Variants in MECOM observed in about 807,000 individuals in gnomAD.
MECOM encodes the protein histone-lysine N-methyltransferase MECOM.
A neutral mutation model predicts 116.3 loss-of-function variants in MECOM; 13 were observed. The observed-to-expected ratio is 0.11, with a 90% CI of 0.07 to 0.18. The LOEUF is 0.18. Among genes scored for constraint, MECOM ranks in the 10% least tolerant of loss-of-function variants. The probability of loss-of-function intolerance (pLI) is 1.00; values close to 1 mark genes in which losing one functional copy is unlikely to be tolerated. For missense variants in MECOM, 1,299 were observed against 1,509.0 expected (o/e 0.86, Z 2.31); for synonymous variants, 528 against 535.2 (o/e 0.99, Z 0.19).
At chr3:169,134,039 T>TA in intron 3 of MECOM, 1 of 939,322 alleles carries the variant, frequency 1.1e-6, no homozygotes, top group Non-Finnish European at 1.5e-6. Context: ...AAAGAGACAA[T>TA]ACCCTACAAG....
chr3:169,497,119 T>C (rs1268762717), intron 1 of MECOM, among the ~76,000 whole-genome samples: 1 of 152,212 alleles, frequency 6.6e-6, no homozygotes, highest in Admixed American at 6.5e-5. Flanking sequence ...ATTTCTTTAA[T>C]GGCAATATTA....
intron 12 of MECOM, among the ~76,000 whole-genome samples, chr3:169,096,427 T>A (rs553003105): frequency 6.6e-6 from 1 of 152,158 alleles, no homozygotes; most frequent in Non-Finnish European, 1.5e-5. Flanking sequence ...CGTGTCACCA[T>A]GCTCGGCTAA....
At chr3:169,263,277 C>A (rs577098137) in intron 2 of MECOM, among the ~76,000 whole-genome samples, 1 of 150,308 alleles carries the variant, frequency 6.7e-6, no homozygotes, top group South Asian at 2.1e-4. Flanking sequence ...TACAGGCGCC[C>A]GCCACCATGC....
At chr3:169,388,059 A>G (rs1056414289) in intron 1 of MECOM, among the ~76,000 whole-genome samples, 1 of 151,922 alleles carries the variant, frequency 6.6e-6, no homozygotes, top group Non-Finnish European at 1.5e-5. Context: ...AGGAAGGATT[A>G]CACGTGGCTG....
At chr3:169,348,967 A>C (rs1725829221) in intron 2 of MECOM, among the ~76,000 whole-genome samples, 2 of 151,876 alleles carry the variant, frequency 1.3e-5, no homozygotes, top group South Asian at 4.1e-4. Context: ...ATTGGTTGTT[A>C]ACCACTTCTC....
At chr3:169,505,248 T>G (rs1371940782) in intron 1 of MECOM, among the ~76,000 whole-genome samples, 1 of 152,038 alleles carries the variant, frequency 6.6e-6, no homozygotes, top group Non-Finnish European at 1.5e-5. Flanking sequence ...CCTGTAATTC[T>G]CAAAGTAGTT....
At chr3:169,131,691 T>C (rs1734774619) in intron 3 of MECOM, 160 bp from the exon 4 acceptor site, 2 of 684,620 alleles carry the variant, frequency 2.9e-6, no homozygotes, top group African/African-American at 1.8e-5. Flanking sequence ...CTGTTTTATA[T>C]ATTGAAAACC....
chr3:169,539,992 C>A (rs751105809), intron 1 of MECOM, among the ~76,000 whole-genome samples: 5 of 152,166 alleles, frequency 3.3e-5, no homozygotes, highest in African/African-American at 4.8e-5. Context: ...TGCTTCATGG[C>A]TGAATCCTCC....
intron 1 of MECOM, among the ~76,000 whole-genome samples, chr3:169,469,107 G>A (rs1261895983): frequency 6.6e-6 from 1 of 150,624 alleles, no homozygotes; most frequent in East Asian, 1.9e-4. Flanking sequence ...ATTCCATAAG[G>A]GGAGGAGCCA....
chr3:169,456,522 T>C (rs1192471896), intron 1 of MECOM, among the ~76,000 whole-genome samples: 1 of 152,190 alleles, frequency 6.6e-6, no homozygotes, highest in Non-Finnish European at 1.5e-5. Context: ...AAGTTACTCT[T>C]GCCATGAGAA....
chr3:169,209,009 T>C (rs770659771), intron 2 of MECOM, among the ~76,000 whole-genome samples: 5 of 150,892 alleles, frequency 3.3e-5, no homozygotes, highest in Non-Finnish European at 7.4e-5. Context: ...TATAGAACAA[T>C]GGAACAGAAC....
chr3:169,154,799 T>C (rs1741704652), intron 2 of MECOM, among the ~76,000 whole-genome samples: 1 of 152,226 alleles, frequency 6.6e-6, no homozygotes, highest in Admixed American at 6.5e-5. Context: ...ATTGCTATCA[T>C]TATTATTGCT....
At chr3:169,108,825 A>T (rs756260359) in intron 9 of MECOM, among the ~76,000 whole-genome samples, 1 of 152,198 alleles carries the variant, frequency 6.6e-6, no homozygotes, top group Non-Finnish European at 1.5e-5. Context: ...CTGTCTCCTC[A>T]GTTCCTTGGA....
In MECOM at chr3:169,273,138, TG is replaced by T. The variant is rs2149661003; in HGVS notation, c.375+108048del. On this transcript the variant is annotated intron_variant, in intron 2 of 16. Coordinates refer to ENST00000651503, the MANE Select transcript of MECOM (RefSeq NM_004991.4). ...ATGCATGAGTTGGTCGTATTTCAGC[TG>T]CCCACATGCCGTTTTATGTGGGCAC... is the stretch of plus-strand genomic sequence containing the variant. 1.3e-5 allele frequency among the ~76,000 whole-genome samples: 2 copies of T among 152,294 alleles called. 1 individual carries two copies. The highest frequency in any genetic ancestry group is 4.1e-4 in the South Asian group (2 of 4,828).
At chr3:169,348,532 G>A (rs568876429) in intron 2 of MECOM, among the ~76,000 whole-genome samples, 1 of 152,014 alleles carries the variant, frequency 6.6e-6, no homozygotes, top group East Asian at 1.9e-4. Context: ...ACCTTTTCAT[G>A]GGATTCTACC....
chr3:169,551,664 A>G (rs1467772952), intron 1 of MECOM, among the ~76,000 whole-genome samples: 1 of 152,236 alleles, frequency 6.6e-6, no homozygotes, highest in East Asian at 1.9e-4. Context: ...TCAAAAAGTT[A>G]AATATAGAGT....
At chr3:169,477,136 T>C (rs1750600599) in intron 1 of MECOM, 2 of 87,806 alleles carry the variant, frequency 2.3e-5, no homozygotes, top group Non-Finnish European at 4.3e-5. Flanking sequence ...TATATATATA[T>C]ATATATATAT....
intron 1 of MECOM, among the ~76,000 whole-genome samples, chr3:169,617,517 A>G (rs1770160016): frequency 6.6e-6 from 1 of 152,200 alleles, no homozygotes. Context: ...TTGTCTGATT[A>G]AAAGTTCCAC....
At chr3:169,217,373 T>C (rs1272927652) in intron 2 of MECOM, among the ~76,000 whole-genome samples, 1 of 152,204 alleles carries the variant, frequency 6.6e-6, no homozygotes, top group Non-Finnish European at 1.5e-5. Context: ...TAGAACATTG[T>C]ACTTAAAGAT....
Sources: allele counts gnomAD v4.1 joint callset (sites outside exome capture counted in the v4.1 genomes callset), GRCh38; gene constraint gnomAD v4.1.1; transcripts MANE v1.5; gene names NCBI Gene and HGNC (gene_info 2026-07-23, HGNC 2026-07-21).